The following HS3ST4 variants were observed in gnomAD, a reference collection of about 807,000 sequenced individuals.
The protein encoded by HS3ST4 is heparan sulfate-glucosamine 3-sulfotransferase 4.
A neutral mutation model predicts 29.2 loss-of-function variants in HS3ST4; 17 were observed. The ratio of observed to expected loss-of-function variants is 0.58; its 90% CI spans 0.40 to 0.87. The LOEUF (loss-of-function observed/expected upper bound fraction) is 0.87. HS3ST4 is among the 40% of genes least tolerant of loss of function. The probability of loss-of-function intolerance (pLI) is 0.00; values close to 1 mark genes in which losing one functional copy is unlikely to be tolerated. For synonymous variants in HS3ST4, 314 were observed against 285.7 expected, an observed-to-expected ratio of 1.10 and a Z score of -1.00; for missense variants, 627 against 634.5, an observed-to-expected ratio of 0.99 and a Z score of 0.13.
intron 1 of HS3ST4, among the ~76,000 whole-genome samples, chr16:26,060,414 C>A (rs776733438): frequency 6.6e-6 from 1 of 152,202 alleles, no homozygotes; most frequent in Non-Finnish European, 1.5e-5. Flanking sequence ...GCTCCAGGGA[C>A]TTCCTGGTGG....
intron 1 of HS3ST4, among the ~76,000 whole-genome samples, chr16:25,854,208 C>CT (rs1212816004): frequency 6.6e-6 from 1 of 152,042 alleles, no homozygotes; most frequent in African/African-American, 2.4e-5. Flanking sequence ...TGATAGCTCA[C>CT]TGACTGAGCC....
chr16:25,923,312 A>G (rs1968372634), intron 1 of HS3ST4, among the ~76,000 whole-genome samples: 1 of 152,212 alleles, frequency 6.6e-6, no homozygotes. Context: ...TGTATTAAAC[A>G]AAGTTATTAA....
intron 1 of HS3ST4, among the ~76,000 whole-genome samples, chr16:25,814,738 C>T (rs545546901): frequency 4.6e-5 from 7 of 152,292 alleles, no homozygotes; most frequent in South Asian, 4.1e-4. Flanking sequence ...GCAACAGCTC[C>T]GCATTAACCA....
intron 1 of HS3ST4, among the ~76,000 whole-genome samples, chr16:25,745,175 T>C (rs1167827645): frequency 3.3e-5 from 5 of 152,108 alleles, no homozygotes; most frequent in Admixed American, 6.6e-5. Flanking sequence ...GGTAATTACA[T>C]ACCCAGATAA....
chr16:25,984,801 C>T (rs1969045803), intron 1 of HS3ST4, among the ~76,000 whole-genome samples: 1 of 152,168 alleles, frequency 6.6e-6, no homozygotes, highest in Admixed American at 6.5e-5. Context: ...TTTCTTGACC[C>T]ATTCATCTAT....
intron 1 of HS3ST4, among the ~76,000 whole-genome samples, chr16:25,943,547 T>C (rs951759491): frequency 6.6e-6 from 1 of 152,194 alleles, no homozygotes; most frequent in Non-Finnish European, 1.5e-5. Context: ...AATGTGGGTA[T>C]AGTACTTATG....
chr16:26,101,492 C>T lies in HS3ST4; in HGVS notation c.735-34120C>T, dbSNP rs186424142. 1.9e-3 allele frequency among the ~76,000 whole-genome samples: 288 copies of T among 152,272 alleles called. 2 individuals carry two copies. Among genetic ancestry groups the T allele is most frequent in the African/African-American group, 6.6e-3 (275 of 41,560 alleles). Reference sequence around the variant, plus strand: ...AGAACTTGTCCATCATCCCAGTGTCCGGGATGTGGAATGTGCTCAGTAAAC... The same window carrying T: ...AGAACTTGTCCATCATCCCAGTGTCTGGGATGTGGAATGTGCTCAGTAAAC... On this transcript the variant is annotated intron_variant, in intron 1 of 1. Coordinates refer to ENST00000331351, the MANE Select transcript of HS3ST4 (RefSeq NM_006040.3).
intron 1 of HS3ST4, among the ~76,000 whole-genome samples, chr16:25,913,736 G>A (rs1037727955): frequency 6.6e-6 from 1 of 151,960 alleles, no homozygotes; most frequent in Non-Finnish European, 1.5e-5. Flanking sequence ...ATGTGTATAT[G>A]TAAGTAATGT....
chr16:25,875,260 C>T (rs186007991), intron 1 of HS3ST4, among the ~76,000 whole-genome samples: 6 of 152,206 alleles, frequency 3.9e-5, no homozygotes, highest in East Asian at 3.9e-4. Context: ...GATGTGAGCC[C>T]GGTGGTACTA....
chr16:26,051,775 A>C (rs1898348429), intron 1 of HS3ST4, among the ~76,000 whole-genome samples: 2 of 142,292 alleles, frequency 1.4e-5, no homozygotes, highest in East Asian at 2.1e-4. Flanking sequence ...CACCCCACAC[A>C]CTTTCTTTCT....
intron 1 of HS3ST4, among the ~76,000 whole-genome samples, chr16:25,969,710 T>G (rs1968878155): frequency 3.3e-5 from 5 of 152,244 alleles, no homozygotes; most frequent in Admixed American, 6.5e-5. Flanking sequence ...GCTGGCATAC[T>G]GCAGATGTGG....
At chr16:25,697,941 G>A (rs113843836) in intron 1 of HS3ST4, among the ~76,000 whole-genome samples, 6,193 of 152,076 alleles carry the variant, frequency 0.041, 392 homozygotes, top group African/African-American at 0.13. Context: ...AAAGTGCTGG[G>A]ATTAGAGGCA....
rs186336897 is a variant in HS3ST4 at position 25,737,259 on chromosome 16, C to T, written c.734+44108C>T. On this transcript the variant is annotated intron_variant, in intron 1 of 1. Transcript: ENST00000331351. The stretch of plus-strand genomic sequence containing the variant: ...TTTGATGTGCATGCTCAGGCGATGA[C>T]CGTATGTCATGACTACACTTGGCCA... Among the ~76,000 whole-genome samples, 214 of 152,240 alleles carry T rather than the reference C, an allele frequency of 1.4e-3. 1 individual carries two copies. The highest frequency in any genetic ancestry group is 2.4e-3 in the Non-Finnish European group (160 of 68,028).
chr16:26,078,189 G>A (rs1273727796), intron 1 of HS3ST4, among the ~76,000 whole-genome samples: 6 of 152,166 alleles, frequency 3.9e-5, no homozygotes, highest in Non-Finnish European at 7.3e-5. Context: ...CCCTCAGGCT[G>A]GAGTGCAGTG....
At chr16:25,915,750 A>G (rs1968287585) in intron 1 of HS3ST4, among the ~76,000 whole-genome samples, 2 of 152,168 alleles carry the variant, frequency 1.3e-5, no homozygotes, top group African/African-American at 4.8e-5. Flanking sequence ...ACCTCTCAAT[A>G]TTTATTGTCT....
At chr16:25,821,692 C>T (rs895296578) in intron 1 of HS3ST4, among the ~76,000 whole-genome samples, 4 of 152,028 alleles carry the variant, frequency 2.6e-5, no homozygotes, top group Non-Finnish European at 4.4e-5. Flanking sequence ...TTTGGGAGGA[C>T]GAGGAGGGTG....
intron 1 of HS3ST4, among the ~76,000 whole-genome samples, chr16:25,848,103 G>C (rs1176920654): frequency 6.6e-6 from 1 of 151,984 alleles, no homozygotes; most frequent in African/African-American, 2.4e-5. Flanking sequence ...AAACTATATG[G>C]GTCTGGTGAT....
Position 26,090,070 on chromosome 16 carries a change from A to G in HS3ST4, c.735-45542A>G, listed in dbSNP as rs537448649. Among the ~76,000 whole-genome samples, 5 of 152,330 alleles carry G rather than the reference A, an allele frequency of 3.3e-5. No individual in the cohort carries two copies. The East Asian group carries it at 9.6e-4, about 29-fold the overall frequency. ...TTACATGAAATAATCTATGTAAAGT[A>G]TCAGACACATTACAGGTACTTAATA... On this transcript the variant is annotated intron_variant, in intron 1 of 1. Transcript: ENST00000331351.
chr16:25,726,455 T>TACACACACAC (rs143234850), intron 1 of HS3ST4, among the ~76,000 whole-genome samples: 5 of 151,364 alleles, frequency 3.3e-5, no homozygotes, highest in Non-Finnish European at 7.4e-5. Context: ...CACACACACA[T>TACACACACAC]ACACACACAC....
Sources: gnomAD v4.1 joint callset for allele counts (sites outside exome capture counted in the v4.1 genomes callset) on GRCh38, gnomAD v4.1.1 for gene constraint, MANE v1.5 for transcripts, NCBI Gene and HGNC (gene_info 2026-07-23, HGNC 2026-07-21) for gene names.